SLC4A10: variants seen among roughly 807,000 people sequenced by gnomAD.
SLC4A10 encodes solute carrier family 4 member 10, also known as sodium-driven chloride bicarbonate exchanger.
A neutral mutation model predicts 137.7 loss-of-function variants in SLC4A10; 42 were observed. That is an observed-to-expected ratio of 0.30 (90% CI 0.24 to 0.39). The LOEUF (loss-of-function observed/expected upper bound fraction) is 0.39. Ranked by LOEUF, SLC4A10 falls within the 10% of genes least tolerant of loss-of-function variation. SLC4A10 has a pLI of 1.00. For missense variants in SLC4A10, 925 were observed against 1,355.0 expected (o/e 0.68, Z 4.98); for synonymous variants, 474 against 464.1 (o/e 1.02, Z -0.27).
At chr2:161,637,324 G>A (rs538034260) in intron 1 of SLC4A10, among the ~76,000 whole-genome samples, 24 of 151,562 alleles carry the variant, frequency 1.6e-4, no homozygotes, top group Admixed American at 1.5e-3. Context: ...TCAGCCTCCC[G>A]AGTAGCTGGG....
At chr2:161,859,652 GT>G (rs1305430256) in intron 5 of SLC4A10, among the ~76,000 whole-genome samples, 2 of 123,700 alleles carry the variant, frequency 1.6e-5, no homozygotes, top group African/African-American at 6.2e-5. Flanking sequence ...CCAGGCTGGA[GT>G]GCAGTGGCGC....
intron 4 of SLC4A10, among the ~76,000 whole-genome samples, chr2:161,844,978 C>T (rs1422899188): frequency 2.6e-5 from 4 of 152,128 alleles, no homozygotes; most frequent in Non-Finnish European, 4.4e-5. Flanking sequence ...CATTATCCCT[C>T]ACATCTCATT....
At chr2:161,644,068 C>CTTTTTTTTTTTTTTTTTTT (rs5835873) in intron 1 of SLC4A10, among the ~76,000 whole-genome samples, 1 of 143,732 alleles carries the variant, frequency 7.0e-6, no homozygotes, top group Non-Finnish European at 1.5e-5. Flanking sequence ...GGCTTCTAAT[C>CTTTTTTTTTTTTTTTTTTT]TTTTTTTTTT....
At chr2:161,632,235 A>G (rs2033681925) in intron 1 of SLC4A10, among the ~76,000 whole-genome samples, 1 of 151,738 alleles carries the variant, frequency 6.6e-6, no homozygotes, top group Non-Finnish European at 1.5e-5. Context: ...GTATATAACA[A>G]CTACCAGATG....
Position 161,879,198 on chromosome 2 carries a change from T to G in SLC4A10, c.1016T>G (p.Leu339Arg). The G allele has an allele frequency of 6.2e-7, 1 of 1,613,554 alleles. No individual in the cohort carries two copies. The highest frequency in any genetic ancestry group is 2.2e-5 in the East Asian group (1 of 44,858). ...GCATCGAACATCTTAGTGGGAGAAC[T>G]GGAGTTCTTGGATCGAACAGTAGTT... Reference protein sequence around the residue: ...AEASNILVGELEFLDRTVVAF... With the variant: ...AEASNILVGEREFLDRTVVAF... The change falls in exon 9 of 27, where the codon CTG (leucine) becomes CGG (arginine). Residue 339 changes from leucine to arginine, a missense_variant. By Grantham distance (102) the Leu-to-Arg change is moderately radical. Coordinates refer to ENST00000446997, the MANE Select transcript of SLC4A10 (RefSeq NM_001178015.2).
At chr2:161,729,767 G>A (rs1384878192) in intron 1 of SLC4A10, among the ~76,000 whole-genome samples, 1 of 152,154 alleles carries the variant, frequency 6.6e-6, no homozygotes, top group African/African-American at 2.4e-5. Context: ...AGGTTTAAAA[G>A]ACATGTCAGA....
At chr2:161,650,440 C>T (rs2036630150) in intron 1 of SLC4A10, among the ~76,000 whole-genome samples, 1 of 152,236 alleles carries the variant, frequency 6.6e-6, no homozygotes, top group African/African-American at 2.4e-5. Context: ...TGTGCTTGGT[C>T]ATGGAGCCAG....
chr2:161,916,679 T>A (rs1398516796), intron 15 of SLC4A10, among the ~76,000 whole-genome samples: 1 of 152,334 alleles, frequency 6.6e-6, no homozygotes, highest in African/African-American at 2.4e-5. Context: ...CCAATATGAT[T>A]TCCTGGCCCT....
chr2:161,725,757 A>T (rs1349902487), intron 1 of SLC4A10, among the ~76,000 whole-genome samples: 1 of 152,218 alleles, frequency 6.6e-6, no homozygotes, highest in African/African-American at 2.4e-5. Flanking sequence ...TATTGGCTTA[A>T]TGGATACTGC....
chr2:161,734,184 G>C (rs1353000592), intron 1 of SLC4A10, among the ~76,000 whole-genome samples: 1 of 152,130 alleles, frequency 6.6e-6, no homozygotes. Context: ...GATGACATGA[G>C]ATTTGGAGGG....
chr2:161,820,097 G>A (rs747945518), intron 3 of SLC4A10, among the ~76,000 whole-genome samples: 1 of 151,986 alleles, frequency 6.6e-6, no homozygotes, highest in Non-Finnish European at 1.5e-5. Flanking sequence ...TTTAAAATAT[G>A]GTACACAAAG....
chr2:161,696,603 A>G (rs1026204332), intron 1 of SLC4A10, among the ~76,000 whole-genome samples: 2 of 148,568 alleles, frequency 1.3e-5, no homozygotes, highest in African/African-American at 2.5e-5. Flanking sequence ...ATGATTTCCA[A>G]TTTCATCCAT....
At chr2:161,810,680 G>A (rs1280786924) in intron 3 of SLC4A10, among the ~76,000 whole-genome samples, 2 of 151,946 alleles carry the variant, frequency 1.3e-5, no homozygotes, top group South Asian at 2.1e-4. Flanking sequence ...AGTGAATTGT[G>A]TATGTCGAAC....
At chr2:161,967,859 A>G (rs747734255) in intron 23 of SLC4A10, among the ~76,000 whole-genome samples, 2 of 152,098 alleles carry the variant, frequency 1.3e-5, no homozygotes, top group Non-Finnish European at 2.9e-5. Context: ...AGAACCTATC[A>G]ATAACTTTAT....
chr2:161,669,943 A>G (rs1271962151), intron 1 of SLC4A10, among the ~76,000 whole-genome samples: 2 of 152,072 alleles, frequency 1.3e-5, no homozygotes, highest in African/African-American at 4.8e-5. Context: ...TCAGGGTTAT[A>G]AATGCAAGAT....
chr2:161,952,248 C>G (rs1216623607), intron 19 of SLC4A10, among the ~76,000 whole-genome samples: 1 of 151,596 alleles, frequency 6.6e-6, no homozygotes, highest in Non-Finnish European at 1.5e-5. Flanking sequence ...ACCTTCCTGG[C>G]CATTCTGAAT....
chr2:161,718,515 T>G (rs779847452), intron 1 of SLC4A10, among the ~76,000 whole-genome samples: 24 of 152,318 alleles, frequency 1.6e-4, no homozygotes, highest in Non-Finnish European at 2.5e-4. Context: ...TTCTCATTAG[T>G]TTCAAAGAAC....
At chr2:161,685,347 T>A (rs768549767) in intron 1 of SLC4A10, among the ~76,000 whole-genome samples, 5 of 152,184 alleles carry the variant, frequency 3.3e-5, no homozygotes, top group Non-Finnish European at 5.9e-5. Context: ...GGCTCACTCC[T>A]GTAATCCCAG....
intron 2 of SLC4A10, among the ~76,000 whole-genome samples, chr2:161,778,365 A>G (rs1214404856): frequency 6.6e-6 from 1 of 151,914 alleles, no homozygotes; most frequent in Admixed American, 6.6e-5. Flanking sequence ...TTTCTTATAT[A>G]ATTGTTTTAC....
Sources: gnomAD v4.1 joint callset for allele counts (sites outside exome capture counted in the v4.1 genomes callset) on GRCh38, gnomAD v4.1.1 for gene constraint, MANE v1.5 for transcripts, NCBI Gene and HGNC (gene_info 2026-07-23, HGNC 2026-07-21) for gene names.